Variants in B3GLCT observed in about 807,000 individuals in gnomAD.
The protein encoded by B3GLCT is beta 3-glucosyltransferase.
Under a neutral mutation model 63.4 loss-of-function variants are expected in B3GLCT, and 65 were observed. That is an observed-to-expected ratio of 1.03 (90% CI 0.84 to 1.26). The LOEUF (loss-of-function observed/expected upper bound fraction) is 1.26, where lower values mean the gene tolerates loss of function less well. B3GLCT is among the 50% of genes most tolerant of loss of function. B3GLCT has a pLI of 0.00. For synonymous variants in B3GLCT, 233 were observed against 219.2 expected (o/e 1.06, Z -0.55); for missense variants, 577 against 604.8 (o/e 0.95, Z 0.48).
chr13:31,305,356 C>CA (rs1170795516), intron 12 of B3GLCT, among the ~76,000 whole-genome samples: 2 of 114,724 alleles, frequency 1.7e-5, no homozygotes, highest in African/African-American at 3.0e-5. Context: ...AATAGAGACA[C>CA]AAAAAACCCT....
At chr13:31,309,097 G>A (rs1874565295) in intron 12 of B3GLCT, among the ~76,000 whole-genome samples, 1 of 152,158 alleles carries the variant, frequency 6.6e-6, no homozygotes, top group African/African-American at 2.4e-5. Flanking sequence ...AGAGCACTGT[G>A]ACTTCATATC....
chr13:31,220,091 T>G (rs528855238), intron 2 of B3GLCT, among the ~76,000 whole-genome samples: 1 of 152,282 alleles, frequency 6.6e-6, no homozygotes, highest in African/African-American at 2.4e-5. Context: ...GCCGACTGAG[T>G]GTAATCATGA....
intron 6 of B3GLCT, among the ~76,000 whole-genome samples, chr13:31,255,680 C>T (rs1215171778): frequency 6.6e-6 from 1 of 152,064 alleles, no homozygotes; most frequent in Admixed American, 6.5e-5. Context: ...TTTGACAAAC[C>T]TGATGAAAGC....
In B3GLCT at chr13:31,331,117, T is replaced by C. The variant is rs1257066909; in HGVS notation, c.*1449T>C. 1.3e-5 allele frequency: 2 copies of C among 152,230 alleles called. No individual in the cohort carries two copies. The highest frequency in any genetic ancestry group is 3.8e-4 in the East Asian group (2 of 5,198). 9.4% of individuals were successfully genotyped at this position (152,230 alleles called of 1,614,324 possible). A position where few individuals can be genotyped will look rare whatever the true frequency, so the allele number is the denominator to read the frequency against. ...GGATGTATCAGGGATGATCAGCTGA[T>C]GAGAGGCTCCAGAAGGATTTCTAGA... On this transcript the variant is annotated 3_prime_UTR_variant, in exon 15 of 15. Coordinates refer to ENST00000343307, the MANE Select transcript of B3GLCT (RefSeq NM_194318.4).
intron 13 of B3GLCT, among the ~76,000 whole-genome samples, chr13:31,322,011 A>G (rs1875351180): frequency 6.6e-6 from 1 of 152,172 alleles, no homozygotes; most frequent in African/African-American, 2.4e-5. Flanking sequence ...CCGAGTTCCC[A>G]AAGTTCATTG....
At position 31,269,549 on chromosome 13, in the gene B3GLCT, T is replaced by TA. The variant is rs200347580; in HGVS notation, c.660+279dup. Among the ~76,000 whole-genome samples, 778 of 152,292 alleles carry TA rather than the reference T, an allele frequency of 5.1e-3. 8 individuals are homozygous for TA. Among genetic ancestry groups the TA allele is most frequent in the African/African-American group, 0.013 (560 of 41,564 alleles). ...ATGAATGGGTCCAGAGGTAGATTTC[T>TA]AAAAAAATGCAAAAATGTCATTAAA... On this transcript the variant is annotated intron_variant, in intron 8 of 14. Coordinates refer to ENST00000343307, the MANE Select transcript of B3GLCT (RefSeq NM_194318.4).
In B3GLCT at chr13:31,331,467, A is replaced by G. The variant is rs557622002; in HGVS notation, c.*1799A>G. On this transcript the variant is annotated 3_prime_UTR_variant, in exon 15 of 15. Coordinates refer to ENST00000343307, the MANE Select transcript of B3GLCT (RefSeq NM_194318.4). ...GGTACTTTTAAGTGTTTTGTTAATT[A>G]TATTTACTTTTTGGAATGGTGTAAG... 4 of 150,666 alleles carry G rather than the reference A, an allele frequency of 2.7e-5. No individual in the cohort carries two copies. The highest frequency in any genetic ancestry group is 9.8e-5 in the African/African-American group (4 of 41,006). The allele number at this position is 150,666 out of a possible 1,614,324, so 9.3% of individuals were successfully genotyped here.
rs1416702438 is a variant in B3GLCT, at chr13:31,269,259, A to G, written c.642A>G (p.Thr214=). The G allele has an allele frequency of 5.0e-6, 8 of 1,605,758 alleles. No individual in the cohort carries two copies. Among genetic ancestry groups the G allele is most frequent in the Admixed American group, 1.7e-5 (1 of 59,970 alleles). The part of the protein sequence containing the change: ...LKSESLKSDF[T]IDLKHEIALY... Reference sequence around the variant, plus strand: ...GTGAATCCTTGAAATCCGACTTTACAATAGATTTAAAACATGAGGTATGTC... The same window carrying G: ...GTGAATCCTTGAAATCCGACTTTACGATAGATTTAAAACATGAGGTATGTC... The change falls in exon 8 of 15, where the codon ACA becomes ACG. Residue 214 remains threonine (T), a synonymous_variant. Transcript: ENST00000343307.
chr13:31,288,708 C>G (rs901296018), intron 12 of B3GLCT, among the ~76,000 whole-genome samples: 7 of 152,078 alleles, frequency 4.6e-5, no homozygotes, highest in Non-Finnish European at 1.0e-4. Context: ...GCCAAGGTGT[C>G]TTACTTAACC....
chr13:31,319,984 T>C (rs1456587332), intron 13 of B3GLCT, among the ~76,000 whole-genome samples: 9 of 152,296 alleles, frequency 5.9e-5, no homozygotes, highest in Admixed American at 2.6e-4. Context: ...TTTTATTTCC[T>C]AAATCTCTCT....
intron 13 of B3GLCT, among the ~76,000 whole-genome samples, chr13:31,322,840 C>T (rs574244503): frequency 5.9e-5 from 9 of 152,016 alleles, no homozygotes; most frequent in Non-Finnish European, 1.0e-4. Flanking sequence ...GCTCTTTTCC[C>T]GGAGTCAGTA....
In B3GLCT at chr13:31,208,625, C is replaced by CA. The variant is rs1192613786; in HGVS notation, c.71-6426_71-6425insA. Among the ~76,000 whole-genome samples, 140 of 119,332 alleles carry CA rather than the reference C, an allele frequency of 1.2e-3. 1 individual carries two copies. Among genetic ancestry groups the CA allele is most frequent in the Admixed American group, 2.2e-3 (28 of 12,822 alleles). The allele number at this position is 119,332 out of a possible 152,430, so 78.3% of individuals were successfully genotyped here. On this transcript the variant is annotated intron_variant, in intron 1 of 14. Coordinates refer to ENST00000343307, the MANE Select transcript of B3GLCT (RefSeq NM_194318.4). ...AGCTTCTGCTTCTTTAGTGGCCCCCCCCCCCCGCTCACTGCCACCTTCATT... is the reference window on the plus strand; with the variant it reads ...AGCTTCTGCTTCTTTAGTGGCCCCCCACCCCCCGCTCACTGCCACCTTCATT...
intron 1 of B3GLCT, among the ~76,000 whole-genome samples, chr13:31,206,053 G>A (rs576219697): frequency 1.3e-5 from 2 of 152,290 alleles, no homozygotes; most frequent in South Asian, 4.1e-4. Flanking sequence ...TACACATCAC[G>A]TTGAATTTAT....
intron 3 of B3GLCT, among the ~76,000 whole-genome samples, chr13:31,228,159 A>G (rs1870194570): frequency 1.3e-5 from 2 of 152,176 alleles, no homozygotes; most frequent in South Asian, 4.1e-4. Flanking sequence ...ATGGGGTGTT[A>G]TAGATGGGCT....
chr13:31,259,850 T>C (rs575551768), intron 6 of B3GLCT, among the ~76,000 whole-genome samples: 22 of 152,168 alleles, frequency 1.4e-4, no homozygotes, highest in African/African-American at 5.1e-4. Context: ...TTATTATTAC[T>C]ATACTTTAAG....
chr13:31,301,521 A>G (rs1874221634), intron 12 of B3GLCT, among the ~76,000 whole-genome samples: 1 of 152,236 alleles, frequency 6.6e-6, no homozygotes, highest in African/African-American at 2.4e-5. Context: ...ATGTTCAAAT[A>G]TGGCAGCTTT....
At chr13:31,321,247 G>A (rs552545730) in intron 13 of B3GLCT, among the ~76,000 whole-genome samples, 2 of 152,310 alleles carry the variant, frequency 1.3e-5, no homozygotes, top group East Asian at 1.9e-4. Flanking sequence ...AGGAACATTC[G>A]TCATGAGATT....
intron 2 of B3GLCT, among the ~76,000 whole-genome samples, chr13:31,218,765 C>G (rs1869680535): frequency 6.6e-6 from 1 of 152,132 alleles, no homozygotes; most frequent in Non-Finnish European, 1.5e-5. Flanking sequence ...GCATCCTTGT[C>G]TTGTTCCTGT....
At chr13:31,321,489 ATAAGGG>A in intron 13 of B3GLCT, among the ~76,000 whole-genome samples, 1 of 152,380 alleles carries the variant, frequency 6.6e-6, no homozygotes, top group Non-Finnish European at 1.5e-5. Context: ...ATTCCATGTC[ATAAGGG>A]TAAGTATTGT....
Sources: allele counts gnomAD v4.1 joint callset (sites outside exome capture counted in the v4.1 genomes callset), GRCh38; gene constraint gnomAD v4.1.1; transcripts MANE v1.5; gene names NCBI Gene and HGNC (gene_info 2026-07-23, HGNC 2026-07-21).